CPAMD8: variants seen among roughly 807,000 people sequenced by gnomAD.
CPAMD8 encodes the protein C3 and PZP like alpha-2-macroglobulin domain containing 8, also known as C3 and PZP-like alpha-2-macroglobulin domain-containing protein 8.
In CPAMD8, 146 loss-of-function variants were observed where a neutral mutation model predicts 224.7. The ratio of observed to expected loss-of-function variants is 0.65; its 90% CI spans 0.57 to 0.75. CPAMD8 has a LOEUF of 0.75. CPAMD8 is among the 30% of genes least tolerant of loss of function. The probability of loss-of-function intolerance (pLI) is 0.00; values close to 1 mark genes in which losing one functional copy is unlikely to be tolerated. For synonymous variants in CPAMD8, 966 were observed against 1,044.6 expected (o/e 0.92, Z 1.45); for missense variants, 2,301 against 2,537.5 (o/e 0.91, Z 2.00).
At chr19:16,985,816 A>G (rs2055701189) in intron 13 of CPAMD8, among the ~76,000 whole-genome samples, 1 of 151,446 alleles carries the variant, frequency 6.6e-6, no homozygotes, top group African/African-American at 2.4e-5. Flanking sequence ...GAAGAGAGGG[A>G]CAGATGGAGG....
Position 16,945,553 on chromosome 19 carries a change from A to G in CPAMD8, c.2789T>C (p.Val930Ala). The change falls in exon 22 of 42, where the codon GTT becomes GCT. Residue 930 changes from valine to alanine, a missense_variant. Physicochemically the swap from Val to Ala is moderately conservative, Grantham distance 64. Coordinates refer to ENST00000443236, the MANE Select transcript of CPAMD8 (RefSeq NM_015692.5). ...GVDHVRRSVM[V>A]EAEGVPRAYT... ...GAGATGAGGACACGGCCTTACCTCA[A>G]CCATCACACTGCGCCTGACGTGATC... 1 of 1,614,032 alleles carries G rather than the reference A, an allele frequency of 6.2e-7. No homozygotes were observed. The highest frequency in any genetic ancestry group is 8.5e-7 in the Non-Finnish European group (1 of 1,179,906).
intron 27 of CPAMD8, among the ~76,000 whole-genome samples, chr19:16,915,535 T>G (rs1258066768): frequency 6.6e-6 from 1 of 152,208 alleles, no homozygotes; most frequent in African/African-American, 2.4e-5. Context: ...CAAAAACATC[T>G]CTGTTATGTG....
intron 3 of CPAMD8, among the ~76,000 whole-genome samples, chr19:17,020,028 G>A (rs148800567): frequency 2.2e-5 from 3 of 136,062 alleles, no homozygotes; most frequent in Non-Finnish European, 4.5e-5. Flanking sequence ...AGGCTGGAGT[G>A]CAATGGTGCA....
At chr19:16,971,921 C>T (rs958613302) in intron 17 of CPAMD8, among the ~76,000 whole-genome samples, 3 of 152,064 alleles carry the variant, frequency 2.0e-5, no homozygotes, top group Admixed American at 2.0e-4. Context: ...GTGGTGGGCA[C>T]CTGTAATCCC....
chr19:16,964,912 C>G (rs2054776715), intron 18 of CPAMD8, among the ~76,000 whole-genome samples: 1 of 152,100 alleles, frequency 6.6e-6, no homozygotes, highest in Admixed American at 6.6e-5. Flanking sequence ...AAACGAAATC[C>G]ATCACATAGA....
intron 17 of CPAMD8, among the ~76,000 whole-genome samples, chr19:16,971,440 G>C (rs1048333299): frequency 6.6e-6 from 1 of 152,166 alleles, no homozygotes; most frequent in South Asian, 2.1e-4. Context: ...GTGGAGAAGA[G>C]AGAACAGCAC....
rs776356911 is a variant in CPAMD8, at chr19:16,970,910, G to T, written c.2194C>A (p.Pro732Thr). Residue 732 changes from proline to threonine, a missense_variant, in exon 18 of 42, where the codon CCT becomes ACT. Transcript: ENST00000443236. ...CGTTACCTGGGGGGGTGCCTGGAAG[G>T]AGCCACTGCCACCAGGCTCCCTGTG... ...PHTGSLVAVAPSRHPPRTEKR... is the reference protein window; with the variant it reads ...PHTGSLVAVATSRHPPRTEKR... The T allele has an allele frequency of 6.2e-7, 1 of 1,613,786 alleles. No homozygotes were observed.
chr19:16,919,905 T>C (rs2053103571), intron 27 of CPAMD8, among the ~76,000 whole-genome samples: 1 of 152,178 alleles, frequency 6.6e-6, no homozygotes, highest in Admixed American at 6.5e-5. Flanking sequence ...CTGCACTGAG[T>C]GTACCACATG....
chr19:17,009,414 C>A, intron 5 of CPAMD8, 94 bp from the exon 6 acceptor site: 1 of 1,602,446 alleles, frequency 6.2e-7, no homozygotes, highest in South Asian at 1.1e-5. Context: ...CCGGGACAGG[C>A]AGTCGCTGTT....
intron 22 of CPAMD8, among the ~76,000 whole-genome samples, chr19:16,941,478 AATCCATAGAGACAGAACCAG>A (rs1214415663): frequency 2.4e-4 from 37 of 152,336 alleles, no homozygotes; most frequent in African/African-American, 8.7e-4. Flanking sequence ...CCCGTGGGCA[AATCCATAGAGACAGAACCAG>A]ATCCATTCTG....
At chr19:16,901,426 G>T in intron 35 of CPAMD8, 129 bp from the exon 36 acceptor site, 1 of 692,628 alleles carries the variant, frequency 1.4e-6, no homozygotes, top group South Asian at 1.6e-5. Flanking sequence ...TGGCCGGCAG[G>T]CCAACAGCAC....
rs779083309 is a variant in CPAMD8 at position 16,945,572 on chromosome 19, C to T, written c.2770G>A (p.Val924Ile). 2.1e-5 allele frequency: 34 copies of T among 1,614,018 alleles called. No individual in the cohort carries two copies. The highest frequency in any genetic ancestry group is 1.6e-4 in the Middle Eastern group (1 of 6,084). ...DRRVPIGVDHVRRSVMVEAEG... is the reference protein window; with the variant it reads ...DRRVPIGVDHIRRSVMVEAEG... ...ACCTCAACCATCACACTGCGCCTGA[C>T]GTGATCCACCCCGATGGGGACCCTC... The change falls in exon 22 of 42, where the codon GTC becomes ATC. Residue 924 changes from valine to isoleucine, a missense_variant. This residue lies in a region of CPAMD8 where 1,709 missense variants were observed against 1,753.2 expected (regional missense o/e 0.97). Transcript: ENST00000443236.
chr19:17,005,863 G>A (rs2056477677), intron 7 of CPAMD8, among the ~76,000 whole-genome samples: 2 of 152,162 alleles, frequency 1.3e-5, no homozygotes, highest in African/African-American at 4.8e-5. Flanking sequence ...TCCTGAGCAC[G>A]TGTTTTGTAA....
chr19:16,948,887 G>A (rs928115403), intron 20 of CPAMD8, among the ~76,000 whole-genome samples: 446 of 57,336 alleles, frequency 7.8e-3, no homozygotes, highest in African/African-American at 0.013. Context: ...GGAAGGGAAG[G>A]GAAGGGAAGG....
At chr19:16,924,309 A>G (rs2053280734) in intron 26 of CPAMD8, among the ~76,000 whole-genome samples, 1 of 152,128 alleles carries the variant, frequency 6.6e-6, no homozygotes, top group Admixed American at 6.5e-5. Context: ...CTGAACTGCG[A>G]GTTGGCTGGA....
intron 21 of CPAMD8, 28 bp downstream of exon 21, chr19:16,947,046 G>A (rs1397457481): frequency 1.3e-5 from 20 of 1,562,146 alleles, no homozygotes; most frequent in Non-Finnish European, 4.3e-6. Context: ...GGAGAGGGGG[G>A]ACACCCCAAG....
intron 8 of CPAMD8, 142 bp downstream of exon 8, chr19:17,004,131 C>G (rs2056416477): frequency 1.9e-6 from 1 of 529,814 alleles, no homozygotes; most frequent in Non-Finnish European, 3.4e-6. Context: ...GTCTCAAACT[C>G]CTGACCTCAA....
chr19:16,924,163 A>G (rs138224456), intron 26 of CPAMD8, among the ~76,000 whole-genome samples: 224 of 152,144 alleles, frequency 1.5e-3, no homozygotes, highest in African/African-American at 4.8e-3. Flanking sequence ...TTTGGCCTCC[A>G]GAACTATGAG....
chr19:16,921,276 T>C (rs1409134720), intron 27 of CPAMD8, among the ~76,000 whole-genome samples: 1 of 152,152 alleles, frequency 6.6e-6, no homozygotes, highest in African/African-American at 2.4e-5. Context: ...TCACAGCTGC[T>C]GTCGGCACTA....
Sources: gnomAD v4.1 joint callset for allele counts (sites outside exome capture counted in the v4.1 genomes callset) on GRCh38, gnomAD v4.1.1 for gene constraint, gnomAD v4.1.1 regional missense constraint, MANE v1.5 for transcripts, NCBI Gene and HGNC (gene_info 2026-07-23, HGNC 2026-07-21) for gene names.